Variants in BOC observed in about 807,000 individuals in gnomAD.
The protein encoded by BOC is BOC cell adhesion associated, oncogene regulated.
In BOC, 76 loss-of-function variants were observed where a neutral mutation model predicts 112.0. The ratio of observed to expected loss-of-function variants is 0.68; its 90% CI spans 0.56 to 0.82. BOC has a LOEUF of 0.82. BOC is among the 40% of genes least tolerant of loss of function. The probability of loss-of-function intolerance (pLI) is 0.00; values close to 1 mark genes in which losing one functional copy is unlikely to be tolerated. For missense variants in BOC, 1,309 were observed against 1,511.7 expected, an observed-to-expected ratio of 0.87 and a Z score of 2.22; for synonymous variants, 580 against 599.8, an observed-to-expected ratio of 0.97 and a Z score of 0.48.
intron 2 of BOC, among the ~76,000 whole-genome samples, chr3:113,218,373 A>T (rs1576314099): frequency 1.3e-5 from 2 of 152,172 alleles, no homozygotes; most frequent in Admixed American, 6.5e-5. Flanking sequence ...TGGAGAGGAA[A>T]ATTGGGGAGT....
At chr3:113,283,974 C>T (rs550175897) in intron 16 of BOC, among the ~76,000 whole-genome samples, 9 of 152,160 alleles carry the variant, frequency 5.9e-5, no homozygotes, top group Non-Finnish European at 7.4e-5. Context: ...CTTCAGCTTT[C>T]CCCTCTATCC....
chr3:113,221,370 G>A (rs1203343543), intron 2 of BOC, among the ~76,000 whole-genome samples: 1 of 152,190 alleles, frequency 6.6e-6, no homozygotes, highest in Non-Finnish European at 1.5e-5. Flanking sequence ...TGAGGATGGA[G>A]AGATAGAGGA....
At chr3:113,275,265 C>T (rs1219106985) in intron 9 of BOC, among the ~76,000 whole-genome samples, 2 of 152,220 alleles carry the variant, frequency 1.3e-5, no homozygotes, top group African/African-American at 4.8e-5. Flanking sequence ...TTGTTCAGAC[C>T]TCAGCTGTTT....
chr3:113,270,680 A>G, intron 5 of BOC, 121 bp from the exon 6 acceptor site: 11 of 1,166,616 alleles, frequency 9.4e-6, no homozygotes, highest in Middle Eastern at 2.3e-4. Flanking sequence ...TCAGGTGGAC[A>G]TCAGCTCCTA....
chr3:113,233,527 A>G (rs576348102), intron 2 of BOC, among the ~76,000 whole-genome samples: 1 of 152,258 alleles, frequency 6.6e-6, no homozygotes, highest in Non-Finnish European at 1.5e-5. Flanking sequence ...GCTCCTCGCT[A>G]GTCTATGTGA....
At chr3:113,272,025 T>G (rs970150103) in intron 6 of BOC, 1 of 234,718 alleles carries the variant, frequency 4.3e-6, no homozygotes, top group African/African-American at 2.2e-5. Context: ...GATTCTTGTT[T>G]CCCATCTCAT....
chr3:113,236,286 A>ATATATATATATATATATACCCATGGG (rs1943498968), intron 2 of BOC, among the ~76,000 whole-genome samples: 1 of 15,130 alleles, frequency 6.6e-5, no homozygotes, highest in Non-Finnish European at 1.1e-4. Flanking sequence ...CCATGGGTAT[A>ATATATATATATATATATACCCATGGG]TATATATATA....
intron 2 of BOC, among the ~76,000 whole-genome samples, chr3:113,219,287 C>T (rs1243938591): frequency 6.6e-6 from 1 of 152,188 alleles, no homozygotes; most frequent in Admixed American, 6.5e-5. Context: ...TTGTCAGTGC[C>T]AAAGAGGCAG....
rs1236412899 is a variant in BOC, at chr3:113,281,062, G to T, written c.2343G>T (p.Leu781=). The T allele has an allele frequency of 6.2e-7, 1 of 1,614,102 alleles. No individual in the cohort carries two copies. The highest frequency in any genetic ancestry group is 1.7e-5 in the Admixed American group (1 of 60,022). ...GDKYWHSISH[L]QPETSYDIKM... Reference sequence around the variant, plus strand: ...AGTACTGGCACTCCATCAGCCACCTGCAGCCAGAGACCTCCTACGACATTA... The same window carrying T: ...AGTACTGGCACTCCATCAGCCACCTTCAGCCAGAGACCTCCTACGACATTA... Residue 781 remains leucine (L), a synonymous_variant, in exon 15 of 20, where the codon CTG becomes CTT. Coordinates refer to ENST00000682979, the MANE Select transcript of BOC (RefSeq NM_001378074.1).
rs547002672 is a variant in BOC, at chr3:113,270,690, A to G, written c.524-111A>G. The G allele has an allele frequency of 7.0e-4, 909 of 1,289,588 alleles. 6 individuals carry two copies. In the African/African-American group the frequency reaches 0.012, roughly 17 times the overall value. 79.9% of individuals were successfully genotyped at this position (1,289,588 alleles called of 1,614,324 possible). On this transcript the variant is annotated intron_variant, in intron 5 of 19. Coordinates refer to ENST00000682979, the MANE Select transcript of BOC (RefSeq NM_001378074.1). Reference sequence around the variant, plus strand: ...GGGACTCAGGTGGACATCAGCTCCTAGTGCCTGCCCAGCCTGTTCCTCTCC... The same window carrying G: ...GGGACTCAGGTGGACATCAGCTCCTGGTGCCTGCCCAGCCTGTTCCTCTCC...
chr3:113,239,997 G>A (rs1406545633), intron 2 of BOC, among the ~76,000 whole-genome samples: 1 of 152,184 alleles, frequency 6.6e-6, no homozygotes, highest in African/African-American at 2.4e-5. Flanking sequence ...GATTCCAGGA[G>A]TCATCAGGGA....
chr3:113,284,542 A>G lies in BOC; in HGVS notation c.2864A>G (p.Gln955Arg), dbSNP rs1336933359. The G allele has an allele frequency of 1.9e-6, 3 of 1,613,624 alleles. No homozygotes were observed. Among genetic ancestry groups the G allele is most frequent in the Non-Finnish European group, 1.7e-6 (2 of 1,179,702 alleles). The change falls in exon 17 of 20, where the codon CAG (glutamine) becomes CGG (arginine). Residue 955 changes from glutamine (Q) to arginine (R), a missense_variant. Coordinates refer to ENST00000682979, the MANE Select transcript of BOC (RefSeq NM_001378074.1). ...AVGYPGMKPQ[Q>R]HCPGELQQQS... ...GGCTACCCGGGCATGAAGCCCCAGC[A>G]GCACTGCCCAGGCGAGCTTCAGCAG...
At chr3:113,226,764 T>C (rs1941731754) in intron 2 of BOC, among the ~76,000 whole-genome samples, 1 of 152,224 alleles carries the variant, frequency 6.6e-6, no homozygotes. Context: ...TGATGCCTAC[T>C]GTAGCCTGCC....
intron 2 of BOC, among the ~76,000 whole-genome samples, chr3:113,233,866 A>T (rs906864777): frequency 6.6e-6 from 1 of 150,956 alleles, no homozygotes; most frequent in African/African-American, 2.4e-5. Context: ...CCACTAATTA[A>T]GAACCACGGC....
At chr3:113,229,715 G>GA (rs888482439) in intron 2 of BOC, among the ~76,000 whole-genome samples, 12 of 152,154 alleles carry the variant, frequency 7.9e-5, no homozygotes, top group African/African-American at 1.9e-4. Flanking sequence ...ATTTGTGTGA[G>GA]AAAAAATATG....
intron 16 of BOC, 58 bp from the exon 17 acceptor site, chr3:113,284,277 T>A: frequency 4.0e-6 from 6 of 1,483,596 alleles, no homozygotes; most frequent in Non-Finnish European, 5.6e-6. Context: ...GTGGGGCTTT[T>A]CCAACCCATC....
intron 2 of BOC, among the ~76,000 whole-genome samples, chr3:113,217,170 G>C (rs897521223): frequency 2.0e-5 from 3 of 152,172 alleles, no homozygotes; most frequent in African/African-American, 7.2e-5. Flanking sequence ...GGGAAACGCA[G>C]AGCACTGCCA....
chr3:113,277,465 C>G (rs1948777732), intron 9 of BOC, among the ~76,000 whole-genome samples: 1 of 152,206 alleles, frequency 6.6e-6, no homozygotes. Flanking sequence ...GGAGTCAAGT[C>G]ACCGTTTTGG....
chr3:113,273,208 G>T lies in BOC; in HGVS notation c.1101G>T (p.Gln367His). The T allele has an allele frequency of 6.2e-7, 1 of 1,613,814 alleles. No individual in the cohort carries two copies. The highest frequency in any genetic ancestry group is 8.5e-7 in the Non-Finnish European group (1 of 1,180,018). The change falls in exon 8 of 20, where the codon CAG becomes CAT. Residue 367 changes from glutamine to histidine, a missense_variant. Gln to His is a conservative substitution (Grantham distance 24). Transcript: ENST00000682979. ...LRNAVPLISS[Q>H]RLRLSRRALR... ...ATGCTGTGCCCCTCATCTCCAGCCAGCGCCTCCGGCTCTCCCGCAGGGCCC... is the reference window on the plus strand; with the variant it reads ...ATGCTGTGCCCCTCATCTCCAGCCATCGCCTCCGGCTCTCCCGCAGGGCCC...
Sources: gnomAD v4.1 joint callset for allele counts (sites outside exome capture counted in the v4.1 genomes callset) on GRCh38, gnomAD v4.1.1 for gene constraint, MANE v1.5 for transcripts, NCBI Gene and HGNC (gene_info 2026-07-23, HGNC 2026-07-21) for gene names.